SLC8A3: variants seen among roughly 807,000 people sequenced by gnomAD.
The protein encoded by SLC8A3 is sodium/calcium exchanger 3.
SLC8A3 carries 37 observed loss-of-function variants against 65.4 expected under a neutral mutation model. The observed-to-expected ratio is 0.57, with a 90% CI of 0.44 to 0.74. The LOEUF (loss-of-function observed/expected upper bound fraction) is 0.74. Among genes scored for constraint, SLC8A3 ranks in the 30% least tolerant of loss-of-function variants. The pLI is 0.00. For synonymous variants in SLC8A3, 461 were observed against 444.5 expected (o/e 1.04, Z -0.47); for missense variants, 1,112 against 1,172.1 (o/e 0.95, Z 0.75).
At chr14:70,098,051 T>C (rs930959035) in intron 2 of SLC8A3, among the ~76,000 whole-genome samples, 3 of 152,184 alleles carry the variant, frequency 2.0e-5, no homozygotes, top group Non-Finnish European at 2.9e-5. Context: ...GGGAAATCTG[T>C]AAGCAGCAAC....
intron 1 of SLC8A3, among the ~76,000 whole-genome samples, chr14:70,175,742 T>C (rs1052227727): frequency 6.6e-6 from 1 of 150,812 alleles, no homozygotes; most frequent in Admixed American, 6.6e-5. Context: ...TTTTTCTTTT[T>C]TTTTTTTTTT....
chr14:70,151,202 C>T (rs757145834), intron 2 of SLC8A3, among the ~76,000 whole-genome samples: 3 of 150,884 alleles, frequency 2.0e-5, no homozygotes, highest in Admixed American at 6.6e-5. Flanking sequence ...GGCAGTGAGC[C>T]GAGATCGTGC....
intron 1 of SLC8A3, among the ~76,000 whole-genome samples, chr14:70,185,900 C>T (rs1224177463): frequency 6.6e-6 from 1 of 152,186 alleles, no homozygotes; most frequent in Non-Finnish European, 1.5e-5. Context: ...TAGCACATGC[C>T]TGACAGAGTA....
At chr14:70,171,172 C>T (rs997388068) in intron 1 of SLC8A3, among the ~76,000 whole-genome samples, 2 of 152,158 alleles carry the variant, frequency 1.3e-5, no homozygotes, top group Admixed American at 1.3e-4. Context: ...TCTTCAAGTG[C>T]CAACCCAGTG....
intron 1 of SLC8A3, among the ~76,000 whole-genome samples, chr14:70,184,778 C>T (rs1291730044): frequency 6.6e-6 from 1 of 152,184 alleles, no homozygotes; most frequent in African/African-American, 2.4e-5. Context: ...TGCCTCTGTA[C>T]TTAGCACATG....
At chr14:70,087,662 A>C (rs1309712068) in intron 2 of SLC8A3, among the ~76,000 whole-genome samples, 5 of 152,258 alleles carry the variant, frequency 3.3e-5, no homozygotes, top group Non-Finnish European at 7.3e-5. Flanking sequence ...GCTCTTAGGT[A>C]AATCAAACAA....
At chr14:70,074,701 G>A (rs1195432857) in intron 2 of SLC8A3, among the ~76,000 whole-genome samples, 2 of 152,178 alleles carry the variant, frequency 1.3e-5, no homozygotes, top group African/African-American at 4.8e-5. Flanking sequence ...GTAAGTCAGA[G>A]GTGCAACATT....
intron 2 of SLC8A3, among the ~76,000 whole-genome samples, chr14:70,072,580 A>G (rs1890105659): frequency 7.3e-6 from 1 of 137,058 alleles, no homozygotes; most frequent in Admixed American, 7.5e-5. Context: ...AACTCTCTGT[A>G]ATGTCTATCT....
At chr14:70,185,251 G>A (rs1269269723) in intron 1 of SLC8A3, among the ~76,000 whole-genome samples, 1 of 152,242 alleles carries the variant, frequency 6.6e-6, no homozygotes, top group Non-Finnish European at 1.5e-5. Context: ...ACAGGCGTGA[G>A]CCACCACGCC....
At chr14:70,110,711 C>T (rs1014908965) in intron 2 of SLC8A3, among the ~76,000 whole-genome samples, 2 of 125,298 alleles carry the variant, frequency 1.6e-5, no homozygotes, top group African/African-American at 2.9e-5. Context: ...GACAGAGTCT[C>T]GCTCTTTCAC....
intron 2 of SLC8A3, among the ~76,000 whole-genome samples, chr14:70,087,946 A>G (rs942694743): frequency 1.3e-5 from 2 of 152,242 alleles, no homozygotes; most frequent in African/African-American, 4.8e-5. Flanking sequence ...ATTGAAATAT[A>G]TGTGTACAAT....
At chr14:70,183,713 G>A (rs949153789) in intron 1 of SLC8A3, among the ~76,000 whole-genome samples, 1 of 152,222 alleles carries the variant, frequency 6.6e-6, no homozygotes, top group Non-Finnish European at 1.5e-5. Context: ...TTAGGGAAAA[G>A]AGGTCAGGCT....
chr14:70,146,764 G>A (rs1008093633), intron 2 of SLC8A3, among the ~76,000 whole-genome samples: 11 of 152,146 alleles, frequency 7.2e-5, no homozygotes, highest in South Asian at 6.2e-4. Flanking sequence ...TTGTGTTTGC[G>A]CTGATGAGTT....
chr14:70,048,658 TCTG>T, intron 6 of SLC8A3, 106 bp downstream of exon 6: 1 of 952,788 alleles, frequency 1.0e-6, no homozygotes, highest in Non-Finnish European at 1.6e-6. Context: ...GGGCAGAGGC[TCTG>T]TTAAGTTCAG....
chr14:70,100,729 AT>A, intron 2 of SLC8A3, among the ~76,000 whole-genome samples: 2 of 152,346 alleles, frequency 1.3e-5, no homozygotes, highest in Non-Finnish European at 2.9e-5. Context: ...CTTTGCACAC[AT>A]TTTGCCCTAT....
intron 2 of SLC8A3, among the ~76,000 whole-genome samples, chr14:70,149,251 A>G (rs2140300757): frequency 6.6e-6 from 1 of 152,330 alleles, no homozygotes; most frequent in Middle Eastern, 3.4e-3. Flanking sequence ...TGAAAAAGAA[A>G]GGTATAAAGC....
At chr14:70,060,267 C>T (rs1187449017) in intron 3 of SLC8A3, 2 of 190,644 alleles carry the variant, frequency 1.0e-5, no homozygotes, top group Non-Finnish European at 1.1e-5. Flanking sequence ...TTGGGGAATG[C>T]AGCAGAAAAC....
Position 70,073,078 on chromosome 14 carries a change from C to T in SLC8A3, c.1785-12139G>A, listed in dbSNP as rs145003674. On this transcript the variant is annotated intron_variant, in intron 2 of 6. Coordinates refer to ENST00000356921, the MANE Select transcript of SLC8A3 (RefSeq NM_182932.3). ...TTACCCTTCCCTTCCCTTCCCTTCCCTTCCTTCCTTCCACTCTTCCATAAT... is the reference window on the plus strand; with the variant it reads ...TTACCCTTCCCTTCCCTTCCCTTCCTTTCCTTCCTTCCACTCTTCCATAAT... Among the ~76,000 whole-genome samples, 806 of 152,190 alleles carry T rather than the reference C, an allele frequency of 5.3e-3. 8 individuals are homozygous for T. Among genetic ancestry groups the T allele is most frequent in the African/African-American group, 0.019 (775 of 41,494 alleles).
chr14:70,089,455 A>G (rs1483362243), intron 2 of SLC8A3, among the ~76,000 whole-genome samples: 1 of 152,244 alleles, frequency 6.6e-6, no homozygotes, highest in African/African-American at 2.4e-5. Context: ...AGGGGAAGTA[A>G]GACAAAGTAA....
Sources: gnomAD v4.1 joint callset for allele counts (sites outside exome capture counted in the v4.1 genomes callset) on GRCh38, gnomAD v4.1.1 for gene constraint, MANE v1.5 for transcripts, NCBI Gene and HGNC (gene_info 2026-07-23, HGNC 2026-07-21) for gene names.